Variants in SGCZ observed in about 807,000 individuals in gnomAD.
SGCZ encodes sarcoglycan zeta.
SGCZ carries 40 observed loss-of-function variants against 41.3 expected under a neutral mutation model. That is an observed-to-expected ratio of 0.97 (90% CI 0.75 to 1.26). The LOEUF (loss-of-function observed/expected upper bound fraction) is 1.26, where lower values mean the gene tolerates loss of function less well. SGCZ is among the 50% of genes most tolerant of loss of function. The pLI, the probability that SGCZ is intolerant of heterozygous loss-of-function variation, is 0.00. For synonymous variants in SGCZ, 206 were observed against 137.5 expected (o/e 1.50, Z -3.49); for missense variants, 552 against 369.8 (o/e 1.49, Z -4.04).
rs149978425 is a variant in SGCZ at position 14,606,975 on chromosome 8, T to C, written c.40-52049A>G. 1.1e-3 allele frequency among the ~76,000 whole-genome samples: 174 copies of C among 152,268 alleles called. 1 individual carries two copies. Among genetic ancestry groups the C allele is most frequent in the African/African-American group, 3.9e-3 (162 of 41,574 alleles). On this transcript the variant is annotated intron_variant, in intron 1 of 7. Coordinates refer to ENST00000382080, the MANE Select transcript of SGCZ (RefSeq NM_139167.4). Reference sequence around the variant, plus strand: ...GTGAGGCTAATGTTACTGCTTCTACTAGTACATGATACTGTTTTCATATTC... The same window carrying C: ...GTGAGGCTAATGTTACTGCTTCTACCAGTACATGATACTGTTTTCATATTC...
intron 2 of SGCZ, among the ~76,000 whole-genome samples, chr8:14,531,635 C>T (rs1803135887): frequency 6.6e-6 from 1 of 152,004 alleles, no homozygotes; most frequent in South Asian, 2.1e-4. Flanking sequence ...CACAGGATAG[C>T]CATGAAGATA....
Position 14,102,418 on chromosome 8 carries a change from G to A in SGCZ, c.702C>T (p.Ala234=). ...GCAGATGGAGCTCCTTCCTGCAGGT[G>A]GCCTTGAAGTCTCCTGCAGCAGCAC... ...QVSAAAGDFK[A]TCRKELHLQS... is the part of the protein sequence containing the mutation. Residue 234 remains alanine (A), a synonymous_variant, in exon 7 of 8, where the codon GCC becomes GCT. Transcript: ENST00000382080. 1.3e-6 allele frequency: 2 copies of A among 1,527,090 alleles called. No individual in the cohort carries two copies. Among genetic ancestry groups the A allele is most frequent in the Non-Finnish European group, 1.8e-6 (2 of 1,125,428 alleles). The allele number at this position is 1,527,090 out of a possible 1,614,324, so 94.6% of individuals were successfully genotyped here. A position where few individuals can be genotyped will look rare whatever the true frequency, so the allele number is the denominator to read the frequency against.
intron 1 of SGCZ, among the ~76,000 whole-genome samples, chr8:14,689,513 G>A (rs1379058850): frequency 6.6e-6 from 1 of 152,116 alleles, no homozygotes; most frequent in Non-Finnish European, 1.5e-5. Context: ...TTTGATAGAA[G>A]GGGCCAATAT....
intron 1 of SGCZ, among the ~76,000 whole-genome samples, chr8:15,009,529 G>C (rs1232641773): frequency 1.3e-5 from 2 of 152,146 alleles, no homozygotes; most frequent in South Asian, 4.1e-4. Context: ...TATAGAATGA[G>C]GAAAATGGCA....
intron 1 of SGCZ, among the ~76,000 whole-genome samples, chr8:14,966,731 G>C (rs910337660): frequency 1.1e-4 from 16 of 152,012 alleles, no homozygotes; most frequent in African/African-American, 3.9e-4. Flanking sequence ...AAACGCTTTG[G>C]GTTGTTTTCT....
At chr8:14,514,604 ATC>A (rs1802557674) in intron 2 of SGCZ, among the ~76,000 whole-genome samples, 1 of 150,396 alleles carries the variant, frequency 6.6e-6, no homozygotes, top group Admixed American at 6.7e-5. Flanking sequence ...ATAAATATAT[ATC>A]TCTCACATAT....
chr8:14,432,525 G>A (rs1476490512), intron 2 of SGCZ, among the ~76,000 whole-genome samples: 1 of 152,150 alleles, frequency 6.6e-6, no homozygotes, highest in African/African-American at 2.4e-5. Context: ...TGGGGACTCA[G>A]GGTAAAGGGT....
At chr8:14,214,440 A>G (rs1351610028) in intron 4 of SGCZ, among the ~76,000 whole-genome samples, 1 of 152,190 alleles carries the variant, frequency 6.6e-6, no homozygotes, top group Non-Finnish European at 1.5e-5. Flanking sequence ...GCTAATATCA[A>G]TATTGGTCCA....
intron 2 of SGCZ, among the ~76,000 whole-genome samples, chr8:14,473,801 G>A (rs2116985034): frequency 6.6e-6 from 1 of 152,094 alleles, no homozygotes; most frequent in East Asian, 1.9e-4. Context: ...AGCCAGGCGT[G>A]GTGGCGGGCA....
At chr8:14,582,843 A>AT (rs1320538730) in intron 1 of SGCZ, among the ~76,000 whole-genome samples, 5 of 151,176 alleles carry the variant, frequency 3.3e-5, no homozygotes, top group African/African-American at 4.9e-5. Context: ...TGAACTCATC[A>AT]TTTTTTGTGG....
At chr8:15,017,895 A>G (rs1239511920) in intron 1 of SGCZ, among the ~76,000 whole-genome samples, 1 of 152,134 alleles carries the variant, frequency 6.6e-6, no homozygotes, top group East Asian at 1.9e-4. Context: ...TCTCTTTGCA[A>G]TTCAAAACTT....
chr8:15,031,902 C>CCTCTCTCTCTCTCTCTCT (rs751690018), intron 1 of SGCZ, among the ~76,000 whole-genome samples: 33 of 130,856 alleles, frequency 2.5e-4, no homozygotes, highest in South Asian at 1.1e-3. Context: ...CCTCTATATT[C>CCTCTCTCTCTCTCTCTCT]CTCTCTCTCT....
At chr8:14,382,673 T>C (rs1432826349) in intron 2 of SGCZ, among the ~76,000 whole-genome samples, 2 of 152,196 alleles carry the variant, frequency 1.3e-5, no homozygotes, top group African/African-American at 4.8e-5. Context: ...ATAAGGTAAG[T>C]GCTCAGAACA....
intron 1 of SGCZ, among the ~76,000 whole-genome samples, chr8:14,594,276 G>C (rs1406491816): frequency 6.6e-6 from 1 of 151,786 alleles, no homozygotes; most frequent in Non-Finnish European, 1.5e-5. Context: ...AGTTTGACTT[G>C]ACAGCCAAGG....
At chr8:14,152,814 A>T (rs908607580) in intron 5 of SGCZ, among the ~76,000 whole-genome samples, 4 of 152,224 alleles carry the variant, frequency 2.6e-5, no homozygotes, top group African/African-American at 9.6e-5. Context: ...ATAAACTGTG[A>T]TACATTCATA....
At chr8:14,397,551 C>A (rs181931126) in intron 2 of SGCZ, among the ~76,000 whole-genome samples, 1 of 152,178 alleles carries the variant, frequency 6.6e-6, no homozygotes, top group East Asian at 1.9e-4. Flanking sequence ...CAAAAGCCAG[C>A]AATATTATTG....
At chr8:14,886,275 T>C (rs946872604) in intron 1 of SGCZ, among the ~76,000 whole-genome samples, 2 of 151,844 alleles carry the variant, frequency 1.3e-5, no homozygotes, top group African/African-American at 2.4e-5. Context: ...TCCTGAGAGA[T>C]AGCATAGAAT....
chr8:14,286,417 G>A (rs557315595), intron 3 of SGCZ, among the ~76,000 whole-genome samples: 3 of 152,116 alleles, frequency 2.0e-5, no homozygotes, highest in Non-Finnish European at 4.4e-5. Flanking sequence ...TATTTAAAAT[G>A]ACATAGATAA....
intron 4 of SGCZ, among the ~76,000 whole-genome samples, chr8:14,204,965 C>G (rs1392360609): frequency 1.3e-5 from 2 of 152,082 alleles, no homozygotes; most frequent in African/African-American, 2.4e-5. Flanking sequence ...AATGGGACTT[C>G]TCAGCCTCCA....
Sources: allele counts gnomAD v4.1 joint callset (sites outside exome capture counted in the v4.1 genomes callset), GRCh38; gene constraint gnomAD v4.1.1; transcripts MANE v1.5; gene names NCBI Gene and HGNC (gene_info 2026-07-23, HGNC 2026-07-21).